FAIM2: variants seen among roughly 807,000 people sequenced by gnomAD.
The protein encoded by FAIM2 is Fas apoptotic inhibitory molecule 2, also known as protein lifeguard 2.
A neutral mutation model predicts 47.4 loss-of-function variants in FAIM2; 27 were observed. That is an observed-to-expected ratio of 0.57 (90% CI 0.42 to 0.78). The LOEUF (loss-of-function observed/expected upper bound fraction) is 0.78, where lower values mean the gene tolerates loss of function less well. Ranked by LOEUF, FAIM2 falls within the 30% of genes least tolerant of loss-of-function variation. The probability of loss-of-function intolerance (pLI) is 0.00; values close to 1 mark genes in which losing one functional copy is unlikely to be tolerated. For missense variants in FAIM2, 311 were observed against 389.4 expected (o/e 0.80, Z 1.69); for synonymous variants, 156 against 159.3 (o/e 0.98, Z 0.16).
intron 11 of FAIM2, among the ~76,000 whole-genome samples, chr12:49,879,518 G>A (rs1031994775): frequency 5.3e-5 from 8 of 151,724 alleles, no homozygotes; most frequent in African/African-American, 1.9e-4. Context: ...GTGCATGTGT[G>A]TGTGTCCATG....
At chr12:49,886,414 G>C (rs1218184278) in intron 11 of FAIM2, among the ~76,000 whole-genome samples, 1 of 152,192 alleles carries the variant, frequency 6.6e-6, no homozygotes, top group African/African-American at 2.4e-5. Flanking sequence ...CTAGGATGCT[G>C]TGTGACCTTG....
intron 10 of FAIM2, 51 bp from the exon 11 acceptor site, chr12:49,887,490 A>T (rs1365306920): frequency 6.6e-7 from 1 of 1,515,260 alleles, no homozygotes; most frequent in South Asian, 1.2e-5. Flanking sequence ...GGCAGCAGTC[A>T]GAGGGGCAGG....
intron 11 of FAIM2, among the ~76,000 whole-genome samples, chr12:49,884,973 C>CA (rs374202305): frequency 0.013 from 1,970 of 150,262 alleles, 16 homozygotes; most frequent in African/African-American, 0.02. Flanking sequence ...GACTCCGTCT[C>CA]AAAAAAAAAG....
At chr12:49,880,951 G>C (rs1415380406) in intron 11 of FAIM2, among the ~76,000 whole-genome samples, 4 of 152,028 alleles carry the variant, frequency 2.6e-5, no homozygotes, top group African/African-American at 7.3e-5. Context: ...CTTAGCAGCA[G>C]CTGCCTCAGG....
At chr12:49,881,441 T>A (rs1237198881) in intron 11 of FAIM2, among the ~76,000 whole-genome samples, 3 of 152,050 alleles carry the variant, frequency 2.0e-5, no homozygotes, top group Non-Finnish European at 4.4e-5. Flanking sequence ...GGCTCCTGAT[T>A]TAGGGGGCTC....
At chr12:49,889,616 T>A (rs1592791402) in intron 8 of FAIM2, 48 bp from the exon 9 acceptor site, 5 of 1,498,122 alleles carry the variant, frequency 3.3e-6, no homozygotes, top group East Asian at 4.5e-5. Flanking sequence ...GGGCATCTGG[T>A]CTCCCCCACC....
Position 49,867,418 on chromosome 12 carries a change from TC to T in FAIM2, c.*3085del, listed in dbSNP as rs1177706407. 3.3e-5 allele frequency: 5 copies of T among 152,200 alleles called. No individual in the cohort carries two copies. The highest frequency in any genetic ancestry group is 1.2e-4 in the African/African-American group (5 of 41,428). 9.4% of individuals were successfully genotyped at this position (152,200 alleles called of 1,614,324 possible). A position where few individuals can be genotyped will look rare whatever the true frequency, so the allele number is the denominator to read the frequency against. Reference sequence around the variant, plus strand: ...GAGCCTTTTGGAAAATGGGTGTCTGTCCCATCCTGACTCCCTCGGAAGGAAG... The same window carrying T: ...GAGCCTTTTGGAAAATGGGTGTCTGTCCATCCTGACTCCCTCGGAAGGAAG... On this transcript the variant is annotated 3_prime_UTR_variant, in exon 12 of 12. Transcript: ENST00000320634.
intron 11 of FAIM2, among the ~76,000 whole-genome samples, chr12:49,883,118 A>G (rs1349066383): frequency 6.6e-6 from 1 of 152,144 alleles, no homozygotes; most frequent in Non-Finnish European, 1.5e-5. Context: ...GCACGAGTCC[A>G]GTGTGGCTAC....
chr12:49,879,244 G>A (rs1274134033), intron 11 of FAIM2, among the ~76,000 whole-genome samples: 1 of 115,314 alleles, frequency 8.7e-6, no homozygotes, highest in Non-Finnish European at 1.6e-5. Flanking sequence ...ATGCATGCAT[G>A]TGTGTGCATG....
At chr12:49,880,199 T>A (rs1391830447) in intron 11 of FAIM2, among the ~76,000 whole-genome samples, 1 of 54,532 alleles carries the variant, frequency 1.8e-5, no homozygotes, top group South Asian at 5.7e-4. Context: ...TATATGTGCA[T>A]GTGTGTGTGC....
chr12:49,870,685 C>T, intron 11 of FAIM2, 32 bp from the exon 12 acceptor site: 2 of 1,608,312 alleles, frequency 1.2e-6, no homozygotes, highest in South Asian at 1.1e-5. Context: ...AGAGAGAGGT[C>T]AGAGGCCCAG....
chr12:49,896,217 C>T (rs758390882), intron 5 of FAIM2, among the ~76,000 whole-genome samples: 2 of 152,152 alleles, frequency 1.3e-5, no homozygotes, highest in Non-Finnish European at 2.9e-5. Context: ...TCACAGTGAG[C>T]GCGAGAGCAG....
At chr12:49,886,357 G>A (rs1317381048) in intron 11 of FAIM2, among the ~76,000 whole-genome samples, 1 of 152,148 alleles carries the variant, frequency 6.6e-6, no homozygotes, top group East Asian at 1.9e-4. Flanking sequence ...ACCCCAAGGG[G>A]GACACACATC....
Position 49,874,852 on chromosome 12 carries a change from C to T in FAIM2, c.802-4199G>A, listed in dbSNP as rs375950611. ...TGAAACAACCCAAACTCTACCAACA[C>T]GGGGGTGGTTAAATAAACTCTGGGC... On this transcript the variant is annotated intron_variant, in intron 11 of 11. Transcript: ENST00000320634. This position sits in a 1 kb window ranked among gnomAD's most constrained non-coding sequence, Gnocchi z 4.2. 7.2e-5 allele frequency among the ~76,000 whole-genome samples: 11 copies of T among 152,264 alleles called. No individual in the cohort carries two copies. The highest frequency in any genetic ancestry group is 2.4e-4 in the African/African-American group (10 of 41,532).
At chr12:49,902,618 G>C (rs1946988851) in intron 1 of FAIM2, among the ~76,000 whole-genome samples, 1 of 152,126 alleles carries the variant, frequency 6.6e-6, no homozygotes, top group Non-Finnish European at 1.5e-5. Context: ...CAGGGTGGAG[G>C]TGGAAGGAGA....
intron 1 of FAIM2, chr12:49,901,595 G>A (rs937433791): frequency 8.7e-6 from 3 of 346,172 alleles, no homozygotes; most frequent in African/African-American, 6.4e-5. Context: ...GGTTGTCACT[G>A]TCATTGTCCC....
rs965669182 is a variant in FAIM2, at chr12:49,903,656, C to G, written c.15+122G>C. 23 of 1,313,580 alleles carry G rather than the reference C, an allele frequency of 1.8e-5. 1 individual carries two copies. In the South Asian group the frequency reaches 2.9e-4, roughly 17 times the overall value. 81.4% of individuals were successfully genotyped at this position (1,313,580 alleles called of 1,614,324 possible). On this transcript the variant is annotated intron_variant, in intron 1 of 11. Coordinates refer to ENST00000320634, the MANE Select transcript of FAIM2 (RefSeq NM_012306.4). ...GGTCCTCTGACTTCAGCAAGGACCACGGAGGACCTTCAAACTAGGGCCAGG... is the reference window on the plus strand; with the variant it reads ...GGTCCTCTGACTTCAGCAAGGACCAGGGAGGACCTTCAAACTAGGGCCAGG...
At chr12:49,903,391 G>C (rs1012645186) in intron 1 of FAIM2, among the ~76,000 whole-genome samples, 3 of 152,230 alleles carry the variant, frequency 2.0e-5, no homozygotes, top group African/African-American at 7.2e-5. Flanking sequence ...TGGAGGGTTG[G>C]GCCAGAGGGG....
In FAIM2 at chr12:49,879,226, G is replaced by A. The variant is rs28972389; in HGVS notation, c.801+8160C>T. On this transcript the variant is annotated intron_variant, in intron 11 of 11. Transcript: ENST00000320634. ...TGTGTATGAGTGTGTATGTGCATGT[G>A]TGTATGTATGCATGCATGTGTGTGC... is the stretch of plus-strand genomic sequence containing the variant. 8.0e-5 allele frequency among the ~76,000 whole-genome samples: 2 copies of A among 24,888 alleles called. 1 individual carries two copies. Among genetic ancestry groups the A allele is most frequent in the Admixed American group, 7.2e-4 (2 of 2,764 alleles). 16.3% of individuals were successfully genotyped at this position (24,888 alleles called of 152,430 possible).
Sources: gnomAD v4.1 joint callset for allele counts (sites outside exome capture counted in the v4.1 genomes callset) on GRCh38, gnomAD v4.1.1 for gene constraint, Gnocchi (gnomAD v3.1) non-coding constraint, MANE v1.5 for transcripts, NCBI Gene and HGNC (gene_info 2026-07-23, HGNC 2026-07-21) for gene names.